Variants in SEC31A observed in about 807,000 individuals in gnomAD.
The protein encoded by SEC31A is SEC31 homolog A, COPII component, also known as protein transport protein Sec31A.
In SEC31A, 70 loss-of-function variants were observed where a neutral mutation model predicts 151.0. That is an observed-to-expected ratio of 0.46 (90% CI 0.38 to 0.57). The LOEUF is 0.57. Among genes scored for constraint, SEC31A ranks in the 20% least tolerant of loss-of-function variants. The pLI is 0.00. For missense variants in SEC31A, 1,330 were observed against 1,471.2 expected (o/e 0.90, Z 1.57); for synonymous variants, 475 against 505.9 (o/e 0.94, Z 0.82).
At chr4:82,894,499 T>C (rs575293390), upstream of SEC31A, 2 of 152,368 alleles carry the variant, frequency 1.3e-5, no homozygotes, top group African/African-American at 4.8e-5. Context: ...AACTGAGATG[T>C]CTATGGTGTT....
chr4:82,879,355 G>A (rs1406630149), intron 3 of SEC31A, among the ~76,000 whole-genome samples: 2 of 127,810 alleles, frequency 1.6e-5, no homozygotes, highest in African/African-American at 5.8e-5. Context: ...AGGGTCTCAT[G>A]CTTTGACCTT....
At chr4:82,862,488 C>A in intron 13 of SEC31A, 46 bp downstream of exon 13, 2 of 1,511,582 alleles carry the variant, frequency 1.3e-6, no homozygotes, top group Non-Finnish European at 1.8e-6. Context: ...TTCGTTATGA[C>A]CTAGCCAAAG....
chr4:82,858,937 A>G (rs1025451183), intron 14 of SEC31A, among the ~76,000 whole-genome samples: 97 of 152,006 alleles, frequency 6.4e-4, no homozygotes, highest in Non-Finnish European at 8.5e-4. Flanking sequence ...TCCTGACCTC[A>G]TGATCCGCCC....
chr4:82,826,760 T>C (rs1467388968), intron 24 of SEC31A, among the ~76,000 whole-genome samples: 1 of 152,230 alleles, frequency 6.6e-6, no homozygotes, highest in Non-Finnish European at 1.5e-5. Context: ...GTAGAACTAG[T>C]TTTTTTACTT....
chr4:82,858,763 C>T (rs1040201893), intron 14 of SEC31A, among the ~76,000 whole-genome samples: 5 of 150,996 alleles, frequency 3.3e-5, no homozygotes, highest in East Asian at 2.0e-4. Context: ...AGTGCAGTGG[C>T]GCACTCTCGG....
At chr4:82,839,121 C>T (rs1172095085) in intron 22 of SEC31A, among the ~76,000 whole-genome samples, 2 of 151,980 alleles carry the variant, frequency 1.3e-5, no homozygotes, top group East Asian at 3.9e-4. Flanking sequence ...GGATTGTAGG[C>T]GCCCGCCACC....
rs1732847289 is a variant in SEC31A, at chr4:82,857,129, G to C, written c.1704C>G (p.Asp568Glu). The change falls in exon 16 of 27, where the codon GAC becomes GAG. Residue 568 changes from aspartate to glutamate, a missense_variant and splice_region_variant. Coordinates refer to ENST00000395310, the MANE Select transcript of SEC31A (RefSeq NM_001077207.4). ...AAGCCTGAGTAATTAAACCATCAAT[G>C]TCTGCAACAAGAAAATAATACATCC... ...GGTFNISVSGDIDGLITQALL... is the reference protein window; with the variant it reads ...GGTFNISVSGEIDGLITQALL... 3.7e-6 allele frequency: 6 copies of C among 1,609,494 alleles called. No homozygotes were observed. The highest frequency in any genetic ancestry group is 3.4e-5 in the Admixed American group (2 of 58,398).
intron 23 of SEC31A, among the ~76,000 whole-genome samples, chr4:82,827,885 C>G (rs904812961): frequency 6.7e-6 from 1 of 150,298 alleles, no homozygotes; most frequent in Non-Finnish European, 1.5e-5. Flanking sequence ...CCCTCCCATA[C>G]TTATCCCCAA....
chr4:82,853,858 G>A (rs746702250), intron 17 of SEC31A, 143 bp from the exon 18 acceptor site: 12 of 554,148 alleles, frequency 2.2e-5, no homozygotes, highest in Non-Finnish European at 3.0e-5. Flanking sequence ...CACTCTAAAT[G>A]CTCAGTAAAT....
At chr4:82,865,940 A>C (rs1313226222) in intron 10 of SEC31A, among the ~76,000 whole-genome samples, 1 of 152,136 alleles carries the variant, frequency 6.6e-6, no homozygotes, top group Non-Finnish European at 1.5e-5. Flanking sequence ...TGGTTAAGAT[A>C]GTAAATTTTA....
chr4:82,829,215 G>A, intron 22 of SEC31A, 157 bp from the exon 23 acceptor site: 1 of 585,598 alleles, frequency 1.7e-6, no homozygotes, highest in Non-Finnish European at 3.1e-6. Flanking sequence ...ATGTAGCCCT[G>A]GATTCTCACA....
intron 22 of SEC31A, 42 bp from the exon 23 acceptor site, chr4:82,829,100 A>G (rs1725324516): frequency 2.0e-6 from 3 of 1,515,920 alleles, no homozygotes; most frequent in East Asian, 4.5e-5. Context: ...AGAATCCTGA[A>G]AGGAAAAAAA....
At chr4:82,848,535 C>T (rs1346960142) in intron 20 of SEC31A, among the ~76,000 whole-genome samples, 2 of 152,096 alleles carry the variant, frequency 1.3e-5, no homozygotes, top group Non-Finnish European at 2.9e-5. Context: ...TTTAAGTGAA[C>T]TTTGAGTGAC....
At chr4:82,881,447 A>G (rs1401869395) in intron 2 of SEC31A, among the ~76,000 whole-genome samples, 1 of 151,954 alleles carries the variant, frequency 6.6e-6, no homozygotes. Context: ...GCTGGGCGAA[A>G]GAGCAAGACT....
intron 20 of SEC31A, among the ~76,000 whole-genome samples, chr4:82,847,518 T>C (rs1336895343): frequency 6.6e-6 from 1 of 152,234 alleles, no homozygotes; most frequent in African/African-American, 2.4e-5. Flanking sequence ...ATGTAGAGCT[T>C]GCCTTGCTTC....
In SEC31A at chr4:82,872,085, A is replaced by G. The variant is rs1399073273; in HGVS notation, c.641T>C (p.Met214Thr). The G allele has an allele frequency of 1.2e-6, 2 of 1,612,350 alleles. No individual in the cohort carries two copies. The highest frequency in any genetic ancestry group is 2.2e-5 in the South Asian group (2 of 91,006). Reference sequence around the variant, plus strand: ...ATGCCATGCCAACCCAGAACAATGCATCTGAAGATAGTTAAGGTTCACATT... The same window carrying G: ...ATGCCATGCCAACCCAGAACAATGCGTCTGAAGATAGTTAAGGTTCACATT... Reference protein sequence around the residue: ...IIKVSDHSNRMHCSGLAWHPD... With the variant: ...IIKVSDHSNRTHCSGLAWHPD... The change falls in exon 7 of 27, where the codon ATG becomes ACG. Residue 214 changes from methionine to threonine, a missense_variant and splice_region_variant. Transcript: ENST00000395310.
chr4:82,863,867 G>C (rs578095094), intron 11 of SEC31A, among the ~76,000 whole-genome samples: 1 of 151,942 alleles, frequency 6.6e-6, no homozygotes, highest in African/African-American at 2.4e-5. Context: ...AACCAGTACC[G>C]TATAAAGAAA....
At position 82,819,114 on chromosome 4, in the gene SEC31A, A is replaced by C. The variant is rs1722783486; in HGVS notation, c.3623T>G (p.Leu1208Arg). Residue 1208 changes from leucine to arginine, a missense_variant, in exon 27 of 27, where the codon CTC becomes CGC. Physicochemically the swap from Leu to Arg is moderately radical, Grantham distance 102. Transcript: ENST00000395310. ...FSETSAFMPV[L>R]KVVLTQANKL... is the part of the protein sequence containing the mutation. ...ATTGGCCTGGGTGAGAACAACTTTG[A>C]GAACTGGCATGAAAGCAGAGGTCTC... The C allele has an allele frequency of 6.2e-7, 1 of 1,611,704 alleles. No individual in the cohort carries two copies.
rs972220798 is a variant in SEC31A, at chr4:82,891,106, A to G, written c.-23T>C. On this transcript the variant is annotated 5_prime_UTR_variant, in exon 1 of 27. Coordinates refer to ENST00000395310, the MANE Select transcript of SEC31A (RefSeq NM_001077207.4). Reference sequence around the variant, plus strand: ...GACGCACCTGGCGAGGACCTTCGGCAGCCGGATCCTGCGTTAGTGCAGCGC... The same window carrying G: ...GACGCACCTGGCGAGGACCTTCGGCGGCCGGATCCTGCGTTAGTGCAGCGC... The G allele has an allele frequency of 2.1e-5, 32 of 1,535,854 alleles. No individual in the cohort carries two copies. The Admixed American group carries it at 4.5e-4, about 22-fold the overall frequency.
Sources: gnomAD v4.1 joint callset for allele counts (sites outside exome capture counted in the v4.1 genomes callset) on GRCh38, gnomAD v4.1.1 for gene constraint, MANE v1.5 for transcripts, NCBI Gene and HGNC (gene_info 2026-07-23, HGNC 2026-07-21) for gene names.